QKI: variants seen among roughly 807,000 people sequenced by gnomAD.
QKI encodes the protein KH domain-containing RNA-binding protein QKI.
Under a neutral mutation model 39.0 loss-of-function variants are expected in QKI, and 10 were observed. The ratio of observed to expected loss-of-function variants is 0.26; its 90% CI spans 0.16 to 0.43. The LOEUF (loss-of-function observed/expected upper bound fraction) is 0.43. Among genes scored for constraint, QKI ranks in the 20% least tolerant of loss-of-function variants. QKI has a pLI of 1.00. For synonymous variants in QKI, 204 were observed against 155.4 expected (o/e 1.31, Z -2.33); for missense variants, 218 against 428.0 (o/e 0.51, Z 4.33).
intron 1 of QKI, among the ~76,000 whole-genome samples, chr6:163,431,765 A>G (rs1788847716): frequency 6.6e-6 from 1 of 151,270 alleles, no homozygotes; most frequent in Admixed American, 6.6e-5. Context: ...GGATAGTAGA[A>G]TAGCATTTTA....
chr6:163,420,094 A>AT (rs1418724441), intron 1 of QKI, among the ~76,000 whole-genome samples: 1 of 147,986 alleles, frequency 6.8e-6, no homozygotes, highest in Non-Finnish European at 1.5e-5. Flanking sequence ...CCGAAGCATG[A>AT]TTCAGATTCT....
intron 1 of QKI, among the ~76,000 whole-genome samples, chr6:163,425,094 G>C (rs1236702716): frequency 6.6e-6 from 1 of 152,196 alleles, no homozygotes; most frequent in Non-Finnish European, 1.5e-5. Context: ...TAACATTCTG[G>C]TAGTTTAGAG....
At position 163,576,318 on chromosome 6, in the gene QKI, G is replaced by GAGAAGGCGAATGAATTAATTCATAGTAGA. The variant is rs1783972088; in HGVS notation, c.*5611_*5639dup. On this transcript the variant is annotated 3_prime_UTR_variant, in exon 8 of 8. Coordinates refer to ENST00000361752, the MANE Select transcript of QKI (RefSeq NM_006775.3). Reference sequence around the variant, plus strand: ...CTGCACTAATTGCCAGGGGGTGGGGGAGAAGGCGAATGAATTAATTCATAG... The same window carrying GAGAAGGCGAATGAATTAATTCATAGTAGA: ...CTGCACTAATTGCCAGGGGGTGGGGGAGAAGGCGAATGAATTAATTCATAGTAGAAGAAGGCGAATGAATTAATTCATAG... The GAGAAGGCGAATGAATTAATTCATAGTAGA allele has an allele frequency of 6.6e-6, 1 of 152,238 alleles. No individual in the cohort carries two copies. The highest frequency in any genetic ancestry group is 2.4e-5 in the African/African-American group (1 of 41,400). 9.4% of individuals were successfully genotyped at this position (152,238 alleles called of 1,614,324 possible). A position where few individuals can be genotyped will look rare whatever the true frequency, so the allele number is the denominator to read the frequency against.
rs1793155697 is a variant in QKI, at chr6:163,482,568, C to A, written c.402+3672C>A. ...GACCAGCTGTAAATGTGTTTTTTTG[C>A]AAGTCCCTCGTCGGGTTCAATTAAT... is the stretch of plus-strand genomic sequence containing the variant. On this transcript the variant is annotated intron_variant, in intron 3 of 7. Coordinates refer to ENST00000361752, the MANE Select transcript of QKI (RefSeq NM_006775.3). Among the ~76,000 whole-genome samples the A allele has an allele frequency of 2.7e-5, 4 of 148,284 alleles. No individual in the cohort carries two copies. The South Asian group carries it at 8.6e-4, about 32-fold the overall frequency.
At chr6:163,567,257 T>C in intron 7 of QKI, 1 of 987,480 alleles carries the variant, frequency 1.0e-6, no homozygotes, top group Non-Finnish European at 1.2e-6. Context: ...TTTCCATTTT[T>C]CTTTATAATA....
At chr6:163,421,660 GT>G (rs1457181438) in intron 1 of QKI, among the ~76,000 whole-genome samples, 3 of 130,786 alleles carry the variant, frequency 2.3e-5, no homozygotes, top group African/African-American at 9.5e-5. Context: ...ACACAGGTGT[GT>G]CTTTTAATTT....
At chr6:163,492,159 A>G (rs1364107439) in intron 3 of QKI, among the ~76,000 whole-genome samples, 1 of 152,156 alleles carries the variant, frequency 6.6e-6, no homozygotes, top group Non-Finnish European at 1.5e-5. Context: ...TCTTTTCAAA[A>G]CCCGTTAACC....
At chr6:163,439,672 T>TTTG (rs1252570031) in intron 1 of QKI, among the ~76,000 whole-genome samples, 1 of 147,514 alleles carries the variant, frequency 6.8e-6, no homozygotes, top group Non-Finnish European at 1.5e-5. Context: ...TTTTTTTTTT[T>TTTG]TGAAACAGAG....
At chr6:163,511,784 C>T (rs186731940) in intron 3 of QKI, among the ~76,000 whole-genome samples, 44 of 151,610 alleles carry the variant, frequency 2.9e-4, no homozygotes, top group Non-Finnish European at 1.5e-5. Context: ...TATTGTGAAT[C>T]TTATGTAAAG....
At position 163,570,817 on chromosome 6, in the gene QKI, G is replaced by T. The variant is rs771996381; in HGVS notation, c.*107G>T. 104 of 1,417,980 alleles carry T rather than the reference G, an allele frequency of 7.3e-5. No individual in the cohort carries two copies. Among genetic ancestry groups the T allele is most frequent in the Non-Finnish European group, 9.3e-5 (97 of 1,042,140 alleles). The allele number at this position is 1,417,980 out of a possible 1,614,324, so 87.8% of individuals were successfully genotyped here. ...CCTTTGCTTGCCTGTCGTCAGTGCA[G>T]CGAGCTGAGGCACTTGTCCGTTCGT... On this transcript the variant is annotated 3_prime_UTR_variant, in exon 8 of 8. Transcript: ENST00000361752.
At chr6:163,520,464 A>G (rs1368827179) in intron 3 of QKI, among the ~76,000 whole-genome samples, 1 of 152,130 alleles carries the variant, frequency 6.6e-6, no homozygotes, top group Non-Finnish European at 1.5e-5. Flanking sequence ...TGTCGGTTGC[A>G]TAATTGTAAT....
chr6:163,570,394 T>TA (rs1783629726), intron 7 of QKI: 1 of 981,062 alleles, frequency 1.0e-6, no homozygotes, highest in African/African-American at 1.8e-5. Flanking sequence ...TGACTGCTAC[T>TA]AACTATTAGT....
chr6:163,428,660 C>T (rs1788593218), intron 1 of QKI, among the ~76,000 whole-genome samples: 1 of 151,798 alleles, frequency 6.6e-6, no homozygotes, highest in Non-Finnish European at 1.5e-5. Flanking sequence ...TGTTGAAATA[C>T]TGCTCATTTA....
chr6:163,567,541 C>G (rs942886809), intron 7 of QKI: 2 of 984,192 alleles, frequency 2.0e-6, no homozygotes, highest in Non-Finnish European at 2.4e-6. Flanking sequence ...TTTGACTAAC[C>G]TGTGACTGGA....
At chr6:163,521,720 C>T (rs1466624902) in intron 3 of QKI, among the ~76,000 whole-genome samples, 1 of 152,080 alleles carries the variant, frequency 6.6e-6, no homozygotes, top group Non-Finnish European at 1.5e-5. Context: ...AGGGTTTCAC[C>T]ATGTTGGCCA....
intron 1 of QKI, among the ~76,000 whole-genome samples, chr6:163,450,894 T>C (rs939311201): frequency 2.0e-5 from 3 of 152,190 alleles, no homozygotes; most frequent in Non-Finnish European, 4.4e-5. Flanking sequence ...AACTGGTGGC[T>C]CCAGAAGGAG....
chr6:163,514,227 A>C (rs1779658025), intron 3 of QKI, among the ~76,000 whole-genome samples: 1 of 152,148 alleles, frequency 6.6e-6, no homozygotes, highest in African/African-American at 2.4e-5. Flanking sequence ...AAAACCTTAA[A>C]ATACTTTTTA....
At chr6:163,507,894 GT>G (rs1779200569) in intron 3 of QKI, among the ~76,000 whole-genome samples, 1 of 152,026 alleles carries the variant, frequency 6.6e-6, no homozygotes, top group Non-Finnish European at 1.5e-5. Flanking sequence ...CAGATTTTTT[GT>G]TTTTGTTTTT....
intron 3 of QKI, among the ~76,000 whole-genome samples, chr6:163,499,068 G>A (rs1468295720): frequency 1.3e-5 from 2 of 152,096 alleles, no homozygotes; most frequent in African/African-American, 4.8e-5. Flanking sequence ...CAAGGGTGTC[G>A]ACACAGGTAT....
Sources: allele counts gnomAD v4.1 joint callset (sites outside exome capture counted in the v4.1 genomes callset), GRCh38; gene constraint gnomAD v4.1.1; transcripts MANE v1.5; gene names NCBI Gene and HGNC (gene_info 2026-07-23, HGNC 2026-07-21).